ZNF143: variants seen among roughly 807,000 people sequenced by gnomAD.
ZNF143 encodes the protein SPH-binding factor.
ZNF143 carries 49 observed loss-of-function variants against 74.1 expected under a neutral mutation model. That is an observed-to-expected ratio of 0.66 (90% CI 0.53 to 0.84). ZNF143 has a LOEUF of 0.84. ZNF143 is among the 40% of genes least tolerant of loss of function. The probability of loss-of-function intolerance (pLI) is 0.00; values close to 1 mark genes in which losing one functional copy is unlikely to be tolerated. For synonymous variants in ZNF143, 304 were observed against 282.8 expected, an observed-to-expected ratio of 1.07 and a Z score of -0.75; for missense variants, 637 against 793.4, an observed-to-expected ratio of 0.80 and a Z score of 2.37.
intron 7 of ZNF143, among the ~76,000 whole-genome samples, chr11:9,486,366 T>TAC (rs1847487019): frequency 2.1e-5 from 1 of 47,588 alleles, no homozygotes; most frequent in African/African-American, 9.2e-5. Flanking sequence ...ATATATATTA[T>TAC]ATATAATATA....
At chr11:9,486,454 T>A (rs1283538635) in intron 7 of ZNF143, among the ~76,000 whole-genome samples, 17 of 72,148 alleles carry the variant, frequency 2.4e-4, no homozygotes, top group African/African-American at 8.5e-4. Context: ...ATTATATATA[T>A]TATATATATA....
intron 1 of ZNF143, chr11:9,461,523 A>C (rs1855841602): frequency 6.6e-6 from 1 of 152,132 alleles, no homozygotes. Flanking sequence ...ACCAGGCCGC[A>C]GCGGGGGCGC....
intron 14 of ZNF143, among the ~76,000 whole-genome samples, chr11:9,519,713 C>T (rs1269528899): frequency 6.6e-6 from 1 of 152,020 alleles, no homozygotes; most frequent in Non-Finnish European, 1.5e-5. Context: ...TAGACATATA[C>T]TCTCATTTGT....
At chr11:9,491,218 T>C (rs559616251) in intron 7 of ZNF143, among the ~76,000 whole-genome samples, 67 of 152,190 alleles carry the variant, frequency 4.4e-4, no homozygotes, top group African/African-American at 1.6e-3. Context: ...GACTCCAGTC[T>C]CTTAAAATGA....
chr11:9,512,484 C>T lies in ZNF143; in HGVS notation c.1412C>T (p.Thr471Met), dbSNP rs1394297185. ...GATGTTCTTAAAGGGTCCCAGATTA[C>T]GTATGTTACAGGTGTAGAAGGGGAC... ...GEDVLKGSQITYVTGVEGDDV... is the reference protein window; with the variant it reads ...GEDVLKGSQIMYVTGVEGDDV... Residue 471 changes from threonine to methionine, a missense_variant, in exon 13 of 16, where the codon ACG (threonine) becomes ATG (methionine). Physicochemically the swap from Thr to Met is moderately conservative, Grantham distance 81 (BLOSUM62 -1). Transcript: ENST00000396602. 2.5e-6 allele frequency: 4 copies of T among 1,614,180 alleles called. No individual in the cohort carries two copies. The East Asian group carries it at 6.7e-5, about 27-fold the overall frequency.
At chr11:9,521,083 C>T (rs1848908749) in intron 14 of ZNF143, among the ~76,000 whole-genome samples, 1 of 152,146 alleles carries the variant, frequency 6.6e-6, no homozygotes, top group Non-Finnish European at 1.5e-5. Flanking sequence ...TACATAGCCT[C>T]CTGCATAATG....
Position 9,523,454 on chromosome 11 carries a change from C to A in ZNF143, c.1687-1786C>A, listed in dbSNP as rs1039778481. 3.9e-4 allele frequency among the ~76,000 whole-genome samples: 60 copies of A among 152,296 alleles called. 1 individual carries two copies. The highest frequency in any genetic ancestry group is 1.4e-3 in the African/African-American group (59 of 41,554). On this transcript the variant is annotated intron_variant, in intron 14 of 15. Coordinates refer to ENST00000396602, the MANE Select transcript of ZNF143 (RefSeq NM_003442.6). Reference sequence around the variant, plus strand: ...GTTGAGGGGTCTTAAGGATTTGAGGCCGGGCGCGGTGGCTCACGCCTGTAA... The same window carrying A: ...GTTGAGGGGTCTTAAGGATTTGAGGACGGGCGCGGTGGCTCACGCCTGTAA...
intron 7 of ZNF143, among the ~76,000 whole-genome samples, chr11:9,486,414 T>TATATTATATATATA (rs1565039172): frequency 4.2e-5 from 1 of 24,040 alleles, no homozygotes; most frequent in Non-Finnish European, 7.7e-5. Context: ...ATATATATAA[T>TATATTATATATATA]ATATATTATA....
chr11:9,486,860 G>A (rs12292907), intron 7 of ZNF143, among the ~76,000 whole-genome samples: 7,643 of 149,448 alleles, frequency 0.051, 290 homozygotes, highest in South Asian at 0.076. Context: ...AATAGAGATA[G>A]GGTTTCACTG....
In ZNF143 at chr11:9,497,691, T is replaced by A. The variant is rs768595218; in HGVS notation, c.858T>A (p.Ser286Arg). ...TTCTTAAAGGTTATGGATTAAAAAG[T>A]CACGTCAGAACTCATACAGGAGAAA... is the stretch of plus-strand genomic sequence containing the variant. ...KAFATGYGLK[S>R]HVRTHTGEKP... The change falls in exon 10 of 16, where the codon AGT becomes AGA. Residue 286 changes from serine (S) to arginine (R), a missense_variant. This residue lies in a region of ZNF143 where 344 missense variants were observed against 485.6 expected (regional missense o/e 0.71). Transcript: ENST00000396602. 3.7e-6 allele frequency: 6 copies of A among 1,600,570 alleles called. No homozygotes were observed. The highest frequency in any genetic ancestry group is 5.1e-6 in the Non-Finnish European group (6 of 1,172,688).
rs1320395004 is a variant in ZNF143, at chr11:9,527,880, A to G, written c.*267A>G. ...TCATGTTACTCTTTTATCAGATCAC[A>G]AACTCCTAGAGTCTACATGCAAGAC... On this transcript the variant is annotated 3_prime_UTR_variant, in exon 16 of 16. Transcript: ENST00000396602. The G allele has an allele frequency of 9.5e-6, 3 of 315,730 alleles. No individual in the cohort carries two copies. The highest frequency in any genetic ancestry group is 1.2e-5 in the Non-Finnish European group (2 of 170,044). 19.6% of individuals were successfully genotyped at this position (315,730 alleles called of 1,614,324 possible).
chr11:9,526,310 C>T (rs914601541), intron 15 of ZNF143, among the ~76,000 whole-genome samples: 1 of 151,508 alleles, frequency 6.6e-6, no homozygotes, highest in African/African-American at 2.4e-5. Flanking sequence ...GCCAAGATCG[C>T]ACCACTGTAC....
At chr11:9,471,956 G>A (rs1412426808) in intron 2 of ZNF143, among the ~76,000 whole-genome samples, 1 of 137,684 alleles carries the variant, frequency 7.3e-6, no homozygotes, top group Admixed American at 7.3e-5. Flanking sequence ...TTGAGACAAG[G>A]TCTTGCTTTA....
intron 1 of ZNF143, among the ~76,000 whole-genome samples, chr11:9,469,767 C>T (rs1337464564): frequency 6.7e-6 from 1 of 149,026 alleles, no homozygotes; most frequent in South Asian, 2.1e-4. Context: ...AGGCTGGTCT[C>T]GAACTCCTGA....
chr11:9,490,939 C>G (rs892233719), intron 7 of ZNF143, among the ~76,000 whole-genome samples: 2 of 152,234 alleles, frequency 1.3e-5, no homozygotes, highest in African/African-American at 4.8e-5. Flanking sequence ...CCCCATGTTT[C>G]CCATGCTGGT....
At chr11:9,501,405 G>C in intron 11 of ZNF143, 135 bp downstream of exon 11, 1 of 1,045,896 alleles carries the variant, frequency 9.6e-7, no homozygotes, top group South Asian at 1.6e-5. Context: ...TAAGCAACTT[G>C]AAAAAGTTTC....
At chr11:9,490,938 T>C (rs1847750373) in intron 7 of ZNF143, among the ~76,000 whole-genome samples, 1 of 152,034 alleles carries the variant, frequency 6.6e-6, no homozygotes, top group Non-Finnish European at 1.5e-5. Context: ...CCCCCATGTT[T>C]CCCATGCTGG....
chr11:9,519,941 T>C (rs1848852887), intron 14 of ZNF143, among the ~76,000 whole-genome samples: 1 of 152,000 alleles, frequency 6.6e-6, no homozygotes, highest in Non-Finnish European at 1.5e-5. Context: ...ATCCCAGCAC[T>C]TTGGGAGGCC....
intron 11 of ZNF143, among the ~76,000 whole-genome samples, chr11:9,502,988 G>A (rs1366039547): frequency 1.3e-5 from 2 of 151,994 alleles, no homozygotes. Flanking sequence ...CTGCCACCAT[G>A]CCTGGCTAAT....
Sources: gnomAD v4.1 joint callset for allele counts (sites outside exome capture counted in the v4.1 genomes callset) on GRCh38, gnomAD v4.1.1 for gene constraint, gnomAD v4.1.1 regional missense constraint, MANE v1.5 for transcripts, NCBI Gene and HGNC (gene_info 2026-07-23, HGNC 2026-07-21) for gene names.